ADAMTSL1: variants seen among roughly 807,000 people sequenced by gnomAD.
ADAMTSL1 encodes the protein ADAMTS like 1.
A neutral mutation model predicts 201.8 loss-of-function variants in ADAMTSL1; 126 were observed. The ratio of observed to expected loss-of-function variants is 0.62; its 90% CI spans 0.54 to 0.72. The LOEUF is 0.72. Among genes scored for constraint, ADAMTSL1 ranks in the 30% least tolerant of loss-of-function variants. ADAMTSL1 has a pLI of 0.00. For synonymous variants in ADAMTSL1, 1,121 were observed against 903.4 expected, an observed-to-expected ratio of 1.24 and a Z score of -4.32; for missense variants, 2,679 against 2,277.8, an observed-to-expected ratio of 1.18 and a Z score of -3.59.
intron 1 of ADAMTSL1, among the ~76,000 whole-genome samples, chr9:17,935,180 C>G (rs1320066429): frequency 6.6e-6 from 1 of 152,018 alleles, no homozygotes; most frequent in Non-Finnish European, 1.5e-5. Flanking sequence ...TTTCACTTGA[C>G]TTACCACTTT....
chr9:18,401,273 C>G (rs1441575884), intron 2 of ADAMTSL1, among the ~76,000 whole-genome samples: 1 of 152,160 alleles, frequency 6.6e-6, no homozygotes, highest in Non-Finnish European at 1.5e-5. Flanking sequence ...TCTCATGTTA[C>G]CAAGTGACAT....
intron 2 of ADAMTSL1, among the ~76,000 whole-genome samples, chr9:18,346,176 C>T (rs1835705364): frequency 6.6e-6 from 1 of 152,120 alleles, no homozygotes; most frequent in South Asian, 2.1e-4. Context: ...AAACATGAAT[C>T]CCTACAATGA....
intron 1 of ADAMTSL1, among the ~76,000 whole-genome samples, chr9:17,953,997 A>G (rs1049715781): frequency 1.3e-5 from 2 of 152,130 alleles, no homozygotes; most frequent in Non-Finnish European, 2.9e-5. Flanking sequence ...TCACGTGCCT[A>G]TTTAATATGG....
At position 18,770,677 on chromosome 9, in the gene ADAMTSL1, C is replaced by T. The variant is rs776421627; in HGVS notation, c.2293C>T (p.Leu765=). The T allele has an allele frequency of 6.2e-7, 1 of 1,613,728 alleles. No individual in the cohort carries two copies. The highest frequency in any genetic ancestry group is 1.7e-5 in the Admixed American group (1 of 59,982). ...CKQRMADGSF[L]ELPETFCSAS... ...GCAGCGCATGGCTGATGGCAGCTTC[C>T]TGGAGCTTCCTGAGACCTTCTGTTC... is the stretch of plus-strand genomic sequence containing the variant. Residue 765 remains leucine, a synonymous_variant, in exon 17 of 29, where the codon CTG becomes TTG. Transcript: ENST00000380548.
At chr9:18,544,859 A>T (rs12345096) in intron 3 of ADAMTSL1, among the ~76,000 whole-genome samples, 39,803 of 152,154 alleles carry the variant, frequency 0.26, 5,641 homozygotes, top group East Asian at 0.61. Flanking sequence ...AAATGCATGT[A>T]TGAAGAAAAG....
chr9:18,840,517 G>C (rs1825648712), intron 23 of ADAMTSL1, among the ~76,000 whole-genome samples: 1 of 152,076 alleles, frequency 6.6e-6, no homozygotes, highest in African/African-American at 2.4e-5. Context: ...TTCGCGATGT[G>C]GGCTCTTTTT....
At chr9:17,947,294 A>G (rs911515443) in intron 1 of ADAMTSL1, among the ~76,000 whole-genome samples, 13 of 139,780 alleles carry the variant, frequency 9.3e-5, no homozygotes, top group Admixed American at 5.5e-4. Context: ...ATTGTAAGGC[A>G]TTTACCTTAT....
intron 1 of ADAMTSL1, among the ~76,000 whole-genome samples, chr9:17,965,408 T>A (rs1189398316): frequency 6.6e-6 from 1 of 152,166 alleles, no homozygotes; most frequent in African/African-American, 2.4e-5. Context: ...GCAGGCATAT[T>A]GATTTCATTC....
chr9:17,955,422 C>T (rs1827892714), intron 1 of ADAMTSL1, among the ~76,000 whole-genome samples: 1 of 152,178 alleles, frequency 6.6e-6, no homozygotes. Flanking sequence ...ATTTGAAATT[C>T]TAATAAAATT....
At chr9:18,025,847 A>G (rs1214084357) in intron 1 of ADAMTSL1, among the ~76,000 whole-genome samples, 1 of 152,032 alleles carries the variant, frequency 6.6e-6, no homozygotes, top group African/African-American at 2.4e-5. Context: ...TTTCGTTAGT[A>G]TGACTATTTT....
intron 2 of ADAMTSL1, among the ~76,000 whole-genome samples, chr9:18,455,256 T>C (rs952832488): frequency 2.0e-5 from 3 of 152,232 alleles, no homozygotes; most frequent in Admixed American, 2.0e-4. Context: ...ATACATTTTT[T>C]GTTAAAACAG....
chr9:18,293,043 A>C (rs1833335224), intron 2 of ADAMTSL1, among the ~76,000 whole-genome samples: 1 of 152,176 alleles, frequency 6.6e-6, no homozygotes, highest in Non-Finnish European at 1.5e-5. Flanking sequence ...CTGGAAAAAG[A>C]AGAGGAGGTA....
At chr9:18,822,800 G>A (rs184989555) in intron 21 of ADAMTSL1, among the ~76,000 whole-genome samples, 3 of 152,106 alleles carry the variant, frequency 2.0e-5, no homozygotes, top group East Asian at 3.9e-4. Context: ...TTATTTCTCC[G>A]TTTAACACAC....
chr9:18,348,354 G>A (rs1260811600), intron 2 of ADAMTSL1, among the ~76,000 whole-genome samples: 1 of 152,040 alleles, frequency 6.6e-6, no homozygotes, highest in East Asian at 1.9e-4. Flanking sequence ...TTCCACTACT[G>A]CTGCTTTTCA....
intron 1 of ADAMTSL1, among the ~76,000 whole-genome samples, chr9:18,144,261 C>T (rs1053650676): frequency 1.3e-5 from 2 of 151,924 alleles, no homozygotes; most frequent in African/African-American, 4.8e-5. Context: ...GGCTGGAGTG[C>T]AGTGGCGCGA....
chr9:18,360,750 A>G (rs1375655870), intron 2 of ADAMTSL1: 1 of 152,170 alleles, frequency 6.6e-6, no homozygotes, highest in Non-Finnish European at 1.5e-5. Flanking sequence ...AACATCTAAC[A>G]TGAAAAATCA....
At chr9:18,269,655 G>T (rs1832278016) in intron 2 of ADAMTSL1, among the ~76,000 whole-genome samples, 1 of 152,004 alleles carries the variant, frequency 6.6e-6, no homozygotes, top group Non-Finnish European at 1.5e-5. Flanking sequence ...TTTTATAACT[G>T]ATCTACTTGA....
chr9:18,529,302 A>G lies in ADAMTSL1; in HGVS notation c.192-3945A>G, dbSNP rs76351168. ...GAGAAGTAGTTTATAAACTGATATA[A>G]TAACAACAAGACAGGTCAACCTCAG... On this transcript the variant is annotated intron_variant, in intron 2 of 28. Coordinates refer to ENST00000380548, the MANE Select transcript of ADAMTSL1 (RefSeq NM_001040272.6). 8.5e-3 allele frequency among the ~76,000 whole-genome samples: 1,299 copies of G among 152,316 alleles called. 97 individuals are homozygous for G. In the East Asian group the frequency reaches 0.18, roughly 21 times the overall value.
intron 2 of ADAMTSL1, among the ~76,000 whole-genome samples, chr9:18,260,510 T>C (rs560539505): frequency 6.6e-6 from 1 of 152,274 alleles, no homozygotes; most frequent in East Asian, 1.9e-4. Flanking sequence ...GGGCCTAGGA[T>C]CCTCCACGGT....
Sources: gnomAD v4.1 joint callset for allele counts (sites outside exome capture counted in the v4.1 genomes callset) on GRCh38, gnomAD v4.1.1 for gene constraint, MANE v1.5 for transcripts, NCBI Gene and HGNC (gene_info 2026-07-23, HGNC 2026-07-21) for gene names.